The following DNAH5 variants were observed in gnomAD, a reference collection of about 807,000 sequenced individuals.
DNAH5 encodes axonemal beta dynein heavy chain 5.
In DNAH5, 372 loss-of-function variants were observed where a neutral mutation model predicts 518.2. The observed-to-expected ratio is 0.72, with a 90% CI of 0.66 to 0.78. The LOEUF (loss-of-function observed/expected upper bound fraction) is 0.78. Among genes scored for constraint, DNAH5 ranks in the 30% least tolerant of loss-of-function variants. The probability of loss-of-function intolerance (pLI) is 0.00; values close to 1 mark genes in which losing one functional copy is unlikely to be tolerated. For synonymous variants in DNAH5, 2,039 were observed against 2,025.9 expected, an observed-to-expected ratio of 1.01 and a Z score of -0.17; for missense variants, 5,523 against 5,687.0, an observed-to-expected ratio of 0.97 and a Z score of 0.93.
At chr5:13,950,200 T>C (rs762552434) in intron 1 of DNAH5, among the ~76,000 whole-genome samples, 10 of 152,166 alleles carry the variant, frequency 6.6e-5, no homozygotes, top group Non-Finnish European at 1.5e-4. Context: ...GTTATGCCTA[T>C]GGTAATAGTG....
At chr5:13,752,962 C>T (rs1476634336) in intron 63 of DNAH5, among the ~76,000 whole-genome samples, 1 of 152,168 alleles carries the variant, frequency 6.6e-6, no homozygotes, top group African/African-American at 2.4e-5. Context: ...TACAGCTCTG[C>T]CGTTCTGTAC....
chr5:13,824,023 C>T (rs752813680), intron 39 of DNAH5, among the ~76,000 whole-genome samples, 176 bp downstream of exon 39: 4 of 152,162 alleles, frequency 2.6e-5, no homozygotes, highest in Non-Finnish European at 5.9e-5. Flanking sequence ...GGATAGGAAT[C>T]ATTACCCAAA....
In DNAH5 at chr5:13,791,104, T is replaced by TA. The variant is rs71600025; in HGVS notation, c.8448+889dup. Among the ~76,000 whole-genome samples, 1,118 of 150,366 alleles carry TA rather than the reference T, an allele frequency of 7.4e-3. 11 individuals are homozygous for TA. The highest frequency in any genetic ancestry group is 0.041 in the Middle Eastern group (12 of 294). The stretch of plus-strand genomic sequence containing the variant: ...AAAAATAAATCAACAAATAATTTTT[T>TA]AAAAAAAAAAGAATCGGCAAGTTTG... On this transcript the variant is annotated intron_variant, in intron 50 of 78. Transcript: ENST00000265104.
At position 13,862,821 on chromosome 5, in the gene DNAH5, C is replaced by T. The variant is rs556393874; in HGVS notation, c.4597-74G>A. 5 of 835,406 alleles carry T rather than the reference C, an allele frequency of 6.0e-6. No individual in the cohort carries two copies. The South Asian group carries it at 6.7e-5, about 11-fold the overall frequency. 51.7% of individuals were successfully genotyped at this position (835,406 alleles called of 1,614,324 possible). On this transcript the variant is annotated intron_variant, in intron 28 of 78. Transcript: ENST00000265104. ...TTCCTTAATAGTCTACGTGCAATAC[C>T]CCATCTTCACTATTTGCTTCATATA...
chr5:13,755,915 G>A (rs1750926230), intron 61 of DNAH5, among the ~76,000 whole-genome samples: 1 of 152,144 alleles, frequency 6.6e-6, no homozygotes, highest in Non-Finnish European at 1.5e-5. Flanking sequence ...GGCTTCTTTG[G>A]GGGATTACAA....
chr5:13,745,917 T>A (rs1749264288), intron 65 of DNAH5, among the ~76,000 whole-genome samples: 1 of 152,118 alleles, frequency 6.6e-6, no homozygotes, highest in South Asian at 2.1e-4. Context: ...GTCACTGAAG[T>A]CAAAGGAATA....
chr5:13,781,963 C>T (rs555100948), intron 52 of DNAH5, among the ~76,000 whole-genome samples: 24 of 152,290 alleles, frequency 1.6e-4, no homozygotes, highest in African/African-American at 5.8e-4. Flanking sequence ...CCACAGCCCC[C>T]TTGTGGCAGA....
At chr5:13,883,636 G>T (rs1262556666) in intron 19 of DNAH5, among the ~76,000 whole-genome samples, 2 of 152,136 alleles carry the variant, frequency 1.3e-5, no homozygotes, top group African/African-American at 4.8e-5. Flanking sequence ...TTGAACATAG[G>T]TATAGGTATG....
At chr5:13,913,996 A>G (rs770719904) in intron 10 of DNAH5, 38 bp from the exon 11 acceptor site, 3 of 1,602,950 alleles carry the variant, frequency 1.9e-6, no homozygotes, top group South Asian at 2.2e-5. Flanking sequence ...AAAGGGAACA[A>G]GAAAGGTATC....
chr5:13,813,618 A>T (rs1448174017), intron 43 of DNAH5, among the ~76,000 whole-genome samples: 1 of 152,178 alleles, frequency 6.6e-6, no homozygotes, highest in East Asian at 1.9e-4. Context: ...TAATGGGTGG[A>T]TAATCTAATT....
intron 65 of DNAH5, among the ~76,000 whole-genome samples, chr5:13,741,004 G>C (rs1748442798): frequency 6.6e-6 from 1 of 152,164 alleles, no homozygotes; most frequent in Non-Finnish European, 1.5e-5. Flanking sequence ...GTACGTAGTA[G>C]GCACTCCATT....
rs377668816 is a variant in DNAH5 at position 13,885,019 on chromosome 5, T to C, written c.2953A>G (p.Ile985Val). 6 of 1,614,214 alleles carry C rather than the reference T, an allele frequency of 3.7e-6. No individual in the cohort carries two copies. The highest frequency in any genetic ancestry group is 5.1e-6 in the Non-Finnish European group (6 of 1,180,028). The part of the protein sequence containing the change: ...RNTLEAIRKR[I>V]HSSHTINFRD... ...AAGTTAATTGTGTGAGAGGAATGAA[T>C]ACGTTTGCGAATGGCCTCTAGTGTA... Residue 985 changes from isoleucine (I) to valine (V), a missense_variant, in exon 19 of 79, where the codon ATT (isoleucine) becomes GTT (valine). By Grantham distance (29) the Ile-to-Val change is conservative. Transcript: ENST00000265104.
At chr5:13,814,488 C>T (rs1286534309) in intron 43 of DNAH5, 117 bp downstream of exon 43, 3 of 990,394 alleles carry the variant, frequency 3.0e-6, no homozygotes, top group Non-Finnish European at 4.7e-6. Context: ...CTTCCACAAA[C>T]ATTAGCATAA....
chr5:13,907,980 A>G (rs1042648140), intron 12 of DNAH5, among the ~76,000 whole-genome samples: 3 of 152,184 alleles, frequency 2.0e-5, no homozygotes, highest in African/African-American at 7.2e-5. Flanking sequence ...ATGTTAGGTC[A>G]GAAGTAATAT....
chr5:13,902,225 A>G (rs1485095300), intron 12 of DNAH5, 87 bp from the exon 13 acceptor site: 1 of 944,694 alleles, frequency 1.1e-6, no homozygotes, highest in African/African-American at 1.6e-5. Flanking sequence ...CATTCTGTGC[A>G]AACACATATA....
chr5:13,697,778 C>T (rs1357684768), intron 78 of DNAH5, among the ~76,000 whole-genome samples: 1 of 152,200 alleles, frequency 6.6e-6, no homozygotes, highest in Non-Finnish European at 1.5e-5. Context: ...TCCATTACCA[C>T]CTCATGACTT....
intron 74 of DNAH5, among the ~76,000 whole-genome samples, chr5:13,715,797 C>T (rs548348969): frequency 1.8e-4 from 28 of 152,164 alleles, no homozygotes; most frequent in Non-Finnish European, 3.2e-4. Flanking sequence ...TCTCAACAAG[C>T]GACAATTTTG....
chr5:13,778,230 A>G (rs1214241320), intron 53 of DNAH5, among the ~76,000 whole-genome samples: 1 of 152,072 alleles, frequency 6.6e-6, no homozygotes, highest in Non-Finnish European at 1.5e-5. Flanking sequence ...ATGCATCAAT[A>G]CTTCTAGAAG....
intron 78 of DNAH5, among the ~76,000 whole-genome samples, chr5:13,699,207 C>T (rs1482078600): frequency 6.6e-6 from 1 of 152,186 alleles, no homozygotes; most frequent in African/African-American, 2.4e-5. Context: ...AAGCAATCAC[C>T]CCTAAACTCC....
Sources: allele counts gnomAD v4.1 joint callset (sites outside exome capture counted in the v4.1 genomes callset), GRCh38; gene constraint gnomAD v4.1.1; transcripts MANE v1.5; gene names NCBI Gene and HGNC (gene_info 2026-07-23, HGNC 2026-07-21).